The following MRPL43 variants were observed in gnomAD, a reference collection of about 807,000 sequenced individuals.
MRPL43 encodes the protein mitochondrial ribosomal protein L43, also known as large ribosomal subunit protein mL43.
A neutral mutation model predicts 12.7 loss-of-function variants in MRPL43; 9 were observed. The observed-to-expected ratio is 0.71, with a 90% CI of 0.43 to 1.24. The LOEUF (loss-of-function observed/expected upper bound fraction) is 1.24, where lower values mean the gene tolerates loss of function less well. Ranked by LOEUF, MRPL43 falls within the 50% of genes most tolerant of loss-of-function variation. The pLI, the probability that MRPL43 is intolerant of heterozygous loss-of-function variation, is 0.00. For missense variants in MRPL43, 211 were observed against 229.2 expected, an observed-to-expected ratio of 0.92 and a Z score of 0.51; for synonymous variants, 116 against 96.4, an observed-to-expected ratio of 1.20 and a Z score of -1.19.
chr10:100,980,236 C>A (rs149116714), downstream of MRPL43: 801 of 1,614,260 alleles, frequency 5.0e-4, 12 homozygotes, highest in East Asian at 0.017. Flanking sequence ...TGTGCCCACA[C>A]GTGGACGGCC....
chr10:100,981,194 G>A, downstream of MRPL43: 2 of 1,614,268 alleles, frequency 1.2e-6, no homozygotes, highest in Admixed American at 3.3e-5. Flanking sequence ...GACATAGAGA[G>A]AGGAAATCGA....
rs752944321 is a variant in MRPL43 at position 100,987,327 on chromosome 10, C to T, written c.117G>A (p.Ser39=). The T allele has an allele frequency of 4.3e-6, 7 of 1,612,262 alleles. No homozygotes were observed. The highest frequency in any genetic ancestry group is 3.3e-5 in the Admixed American group (2 of 59,976). Residue 39 remains serine (S), a synonymous_variant, in exon 1 of 3, where the codon TCG becomes TCA. Transcript: ENST00000318364. ...CCTTGGCTCACCTGGCGCCGCGAGA[C>T]GAGGCGCCGTCGCGGCTGACGCTGA... ...LSFSVSRDGA[S]SRGAREFVER...
chr10:100,981,055 A>C, downstream of MRPL43: 1 of 1,598,934 alleles, frequency 6.3e-7, no homozygotes, highest in South Asian at 1.1e-5. Flanking sequence ...GGAAGGCCTG[A>C]TAGCTACTGG....
At chr10:100,979,945 C>T (rs199762950), downstream of MRPL43, 14 of 1,614,026 alleles carry the variant, frequency 8.7e-6, no homozygotes, top group East Asian at 4.5e-5. Context: ...TGGTTCCCGG[C>T]GCTGGGGTCG....
chr10:100,984,037 C>A, downstream of MRPL43: 1 of 1,613,686 alleles, frequency 6.2e-7, no homozygotes, highest in Non-Finnish European at 8.5e-7. Context: ...GGAGTACCAG[C>A]AGGGCCCTGC....
chr10:100,979,199 G>A, downstream of MRPL43: 4 of 1,614,194 alleles, frequency 2.5e-6, no homozygotes, highest in Non-Finnish European at 3.4e-6. Flanking sequence ...ACACTGCGTG[G>A]GGTCTGCAGC....
chr10:100,982,834 G>A (rs1200382196), downstream of MRPL43, among the ~76,000 whole-genome samples: 1 of 151,560 alleles, frequency 6.6e-6, no homozygotes, highest in African/African-American at 2.4e-5. Flanking sequence ...GAAAGAGAAG[G>A]GAGACTCCCA....
chr10:100,978,651 T>G (rs775096539), downstream of MRPL43: 4 of 1,610,608 alleles, frequency 2.5e-6, no homozygotes, highest in South Asian at 4.4e-5. Context: ...GTTAGGAGGA[T>G]GAGGCACAGG....
At chr10:100,978,457 C>A, downstream of MRPL43, 2 of 1,592,288 alleles carry the variant, frequency 1.3e-6, no homozygotes, top group African/African-American at 1.3e-5. Context: ...CTAGGACCTG[C>A]CACCATGTAT....
downstream of MRPL43, chr10:100,983,602 C>T: frequency 6.2e-7 from 1 of 1,614,126 alleles, no homozygotes; most frequent in Non-Finnish European, 8.5e-7. Flanking sequence ...AAAGCCCCTG[C>T]CACACCTGGG....
chr10:100,981,117 G>A (rs1851048711), downstream of MRPL43: 1 of 1,611,882 alleles, frequency 6.2e-7, no homozygotes, highest in Non-Finnish European at 8.5e-7. Flanking sequence ...CTTTCACTGG[G>A]AAACTGAAAC....
At chr10:100,983,565 C>G, downstream of MRPL43, 1 of 1,613,754 alleles carries the variant, frequency 6.2e-7, no homozygotes, top group Non-Finnish European at 8.5e-7. Context: ...TCTCACAGTC[C>G]GGCCAGCCAC....
At chr10:100,984,321 C>T, downstream of MRPL43, 2 of 1,440,364 alleles carry the variant, frequency 1.4e-6, no homozygotes, top group Non-Finnish European at 1.8e-6. Flanking sequence ...CACAGACCCA[C>T]ATGTGAGCAG....
chr10:100,983,162 T>A, downstream of MRPL43: 2 of 1,026,312 alleles, frequency 1.9e-6, no homozygotes, highest in Admixed American at 5.9e-5. Flanking sequence ...TGTGGAAGCA[T>A]GAGCACAGAG....
chr10:100,982,584 G>A (rs1023833218), downstream of MRPL43, among the ~76,000 whole-genome samples: 1 of 152,224 alleles, frequency 6.6e-6, no homozygotes, highest in Admixed American at 6.5e-5. Context: ...TTGAGGTCAG[G>A]AGTTCGAGAC....
chr10:100,984,945 C>T, downstream of MRPL43: 3 of 1,390,150 alleles, frequency 2.2e-6, no homozygotes, highest in Non-Finnish European at 9.5e-7. Flanking sequence ...GTAACACACA[C>T]CTGTATCACA....
downstream of MRPL43, chr10:100,983,682 A>C: frequency 6.2e-7 from 1 of 1,613,476 alleles, no homozygotes; most frequent in South Asian, 1.1e-5. Context: ...CCTCTGCCTC[A>C]TCCTGGCCTC....
intron 2 of MRPL43, 50 bp from the exon 3 acceptor site, chr10:100,987,025 C>T: frequency 6.2e-7 from 1 of 1,606,324 alleles, no homozygotes; most frequent in Non-Finnish European, 8.5e-7. Context: ...TGCGACCAAG[C>T]GAGAAGGAGG....
downstream of MRPL43, chr10:100,980,592 C>T: frequency 6.2e-7 from 1 of 1,614,062 alleles, no homozygotes; most frequent in African/African-American, 1.3e-5. Context: ...TGGCTGGATC[C>T]ACAAGGCCGT....
Sources: gnomAD v4.1 joint callset for allele counts (sites outside exome capture counted in the v4.1 genomes callset) on GRCh38, gnomAD v4.1.1 for gene constraint, MANE v1.5 for transcripts, NCBI Gene and HGNC (gene_info 2026-07-23, HGNC 2026-07-21) for gene names.